The following IL16 variants were observed in gnomAD, a reference collection of about 807,000 sequenced individuals.
IL16 encodes interleukin 16.
In IL16, 67 loss-of-function variants were observed where a neutral mutation model predicts 110.1. The ratio of observed to expected loss-of-function variants is 0.61; its 90% CI spans 0.50 to 0.75. The LOEUF is 0.75. IL16 is among the 30% of genes least tolerant of loss of function. The probability of loss-of-function intolerance (pLI) is 0.00; values close to 1 mark genes in which losing one functional copy is unlikely to be tolerated. For synonymous variants in IL16, 689 were observed against 662.9 expected, an observed-to-expected ratio of 1.04 and a Z score of -0.61; for missense variants, 1,545 against 1,655.0, an observed-to-expected ratio of 0.93 and a Z score of 1.15.
chr15:81,256,944 A>G (rs1897969758), intron 2 of IL16, among the ~76,000 whole-genome samples: 1 of 152,186 alleles, frequency 6.6e-6, no homozygotes, highest in African/African-American at 2.4e-5. Context: ...GAATCAGGAC[A>G]TTACCTTCTC....
chr15:81,308,749 G>C lies in IL16; in HGVS notation c.3950G>C (p.Arg1317Thr). Reference sequence around the variant, plus strand: ...GATGGACCTGTCACGATTGTCATCAGGAGAAAAAGCCTCCAGTCCAAGGAA... The same window carrying C: ...GATGGACCTGTCACGATTGTCATCACGAGAAAAAGCCTCCAGTCCAAGGAA... Reference protein sequence around the residue: ...LPDGPVTIVIRRKSLQSKETT... With the variant: ...LPDGPVTIVITRKSLQSKETT... Residue 1317 changes from arginine to threonine, a missense_variant, in exon 19 of 19, where the codon AGG (arginine) becomes ACG (threonine). By Grantham distance (71) the Arg-to-Thr change is moderately conservative. Around this residue, in one of 3 missense-constraint regions of IL16, gnomAD observed 356 missense variants for 399.3 expected, o/e 0.89. Coordinates refer to ENST00000683961, the MANE Select transcript of IL16 (RefSeq NM_172217.5). The C allele has an allele frequency of 6.2e-7, 1 of 1,614,086 alleles. No homozygotes were observed. Among genetic ancestry groups the C allele is most frequent in the Non-Finnish European group, 8.5e-7 (1 of 1,180,008 alleles).
intron 1 of IL16, among the ~76,000 whole-genome samples, chr15:81,224,988 T>C (rs928253487): frequency 6.6e-6 from 1 of 152,224 alleles, no homozygotes; most frequent in African/African-American, 2.4e-5. Context: ...CTGTAACTTA[T>C]TACTGGCTCT....
intron 2 of IL16, among the ~76,000 whole-genome samples, chr15:81,249,584 T>C (rs1897694620): frequency 6.6e-6 from 1 of 152,212 alleles, no homozygotes; most frequent in Admixed American, 6.5e-5. Flanking sequence ...TTGAAGTTAA[T>C]CTGTCTTTTC....
Position 81,308,633 on chromosome 15 carries a change from C to A in IL16, c.3834C>A (p.Val1278=). ...KGAASEQSET[V]QPGDEILQLG... ...CAGCCTCAGAACAAAGTGAGACAGT[C>A]CAGCCTGGAGATGAAATCTTACAGC... Residue 1278 remains valine, a synonymous_variant, in exon 19 of 19, where the codon GTC becomes GTA. Coordinates refer to ENST00000683961, the MANE Select transcript of IL16 (RefSeq NM_172217.5). 1.2e-6 allele frequency: 2 copies of A among 1,612,860 alleles called. No individual in the cohort carries two copies. The highest frequency in any genetic ancestry group is 1.1e-5 in the South Asian group (1 of 90,910).
intron 1 of IL16, among the ~76,000 whole-genome samples, chr15:81,186,781 C>T (rs941960292): frequency 2.6e-5 from 4 of 152,150 alleles, no homozygotes; most frequent in African/African-American, 9.7e-5. Flanking sequence ...ATCCATCTCT[C>T]CATCCCTCTG....
intron 1 of IL16, among the ~76,000 whole-genome samples, chr15:81,186,614 T>C (rs1044496537): frequency 1.3e-5 from 2 of 152,248 alleles, no homozygotes; most frequent in Admixed American, 6.5e-5. Context: ...TCCCCAATTA[T>C]GGACATCTTG....
At chr15:81,256,009 G>A (rs577989342) in intron 2 of IL16, among the ~76,000 whole-genome samples, 1 of 152,220 alleles carries the variant, frequency 6.6e-6, no homozygotes, top group Non-Finnish European at 1.5e-5. Context: ...GGAAAATATA[G>A]AAAATACAGA....
intron 1 of IL16, among the ~76,000 whole-genome samples, chr15:81,224,414 G>A (rs1369381184): frequency 6.6e-6 from 1 of 152,188 alleles, no homozygotes; most frequent in Non-Finnish European, 1.5e-5. Flanking sequence ...GAATCCATGG[G>A]AGGCTCCTCT....
intron 11 of IL16, chr15:81,292,315 G>T: frequency 1.8e-6 from 1 of 568,768 alleles, no homozygotes. Context: ...GATCTGGGTG[G>T]CATATCTCCA....
intron 1 of IL16, among the ~76,000 whole-genome samples, chr15:81,187,088 T>A (rs1895430579): frequency 6.6e-6 from 1 of 152,230 alleles, no homozygotes; most frequent in Non-Finnish European, 1.5e-5. Context: ...GATCTCCCTT[T>A]GGAGGCAGAC....
intron 2 of IL16, 65 bp downstream of exon 2, chr15:81,225,776 C>T (rs1318534236): frequency 1.5e-6 from 2 of 1,316,980 alleles, no homozygotes; most frequent in African/African-American, 3.0e-5. Flanking sequence ...GAATTAAAGT[C>T]TTTGAATCCA....
Position 81,309,870 on chromosome 15 carries a change from A to T in IL16, c.*1072A>T, listed in dbSNP as rs1260041944. ...ATGGTTCTGTGCCAATGTATTGATA[A>T]GAGGGCACACACTGTGTACAGTAAA... On this transcript the variant is annotated 3_prime_UTR_variant, in exon 19 of 19. Coordinates refer to ENST00000683961, the MANE Select transcript of IL16 (RefSeq NM_172217.5). 6.6e-6 allele frequency: 1 copy of T among 152,256 alleles called. No individual in the cohort carries two copies. The highest frequency in any genetic ancestry group is 1.5e-5 in the Non-Finnish European group (1 of 68,054). 9.4% of individuals were successfully genotyped at this position (152,256 alleles called of 1,614,324 possible).
In IL16 at chr15:81,292,932, T is replaced by G. The variant is rs1466224875; in HGVS notation, c.1797T>G (p.Pro599=). Residue 599 remains proline, a synonymous_variant, in exon 12 of 19, where the codon CCT becomes CCG. Transcript: ENST00000683961. Reference sequence around the variant, plus strand: ...AGCCTATGTCCTCCAAGCCCAAGCCTCCACCCAGAAAATACTTTAAAAGTG... The same window carrying G: ...AGCCTATGTCCTCCAAGCCCAAGCCGCCACCCAGAAAATACTTTAAAAGTG... The part of the protein sequence containing the change: ...VRKPMSSKPK[P]PPRKYFKSDS... 1.2e-6 allele frequency: 2 copies of G among 1,614,126 alleles called. No homozygotes were observed. Among genetic ancestry groups the G allele is most frequent in the South Asian group, 2.2e-5 (2 of 91,082 alleles).
At chr15:81,231,711 T>C (rs1478018836) in intron 2 of IL16, among the ~76,000 whole-genome samples, 1 of 152,218 alleles carries the variant, frequency 6.6e-6, no homozygotes, top group African/African-American at 2.4e-5. Flanking sequence ...ATGTTTTTTC[T>C]AGAAGCTTGG....
intron 13 of IL16, among the ~76,000 whole-genome samples, chr15:81,297,904 A>G (rs1412994028): frequency 6.6e-6 from 1 of 152,224 alleles, no homozygotes. Flanking sequence ...GAGTAACACT[A>G]CAGAAAAGCT....
At chr15:81,207,128 C>A (rs766352488) in intron 1 of IL16, among the ~76,000 whole-genome samples, 74 of 151,544 alleles carry the variant, frequency 4.9e-4, no homozygotes, top group Non-Finnish European at 7.8e-4. Flanking sequence ...CCCAGCTCCC[C>A]TGGGGAGGCT....
chr15:81,189,187 G>A (rs1025970444), intron 1 of IL16, among the ~76,000 whole-genome samples: 17 of 147,952 alleles, frequency 1.1e-4, no homozygotes, highest in Admixed American at 8.9e-4. Context: ...GCAGTGGCAC[G>A]ATCTTGGCTC....
chr15:81,223,886 T>C (rs915111793), intron 1 of IL16, among the ~76,000 whole-genome samples: 10 of 152,300 alleles, frequency 6.6e-5, no homozygotes, highest in African/African-American at 2.4e-4. Context: ...TTGTCTGTGA[T>C]TGGAGTTTTA....
upstream of IL16, among the ~76,000 whole-genome samples, chr15:81,193,882 T>C (rs1380337920): frequency 6.6e-6 from 1 of 152,212 alleles, no homozygotes; most frequent in Non-Finnish European, 1.5e-5. Flanking sequence ...ATTATCATCA[T>C]GTCCATTACT....
Sources: gnomAD v4.1 joint callset for allele counts (sites outside exome capture counted in the v4.1 genomes callset) on GRCh38, gnomAD v4.1.1 for gene constraint, gnomAD v4.1.1 regional missense constraint, MANE v1.5 for transcripts, NCBI Gene and HGNC (gene_info 2026-07-23, HGNC 2026-07-21) for gene names.